RFC3: variants seen among roughly 807,000 people sequenced by gnomAD.
RFC3 encodes the protein A1 38 kDa subunit.
In RFC3, 41 loss-of-function variants were observed where a neutral mutation model predicts 45.1. The observed-to-expected ratio is 0.91, with a 90% confidence interval of 0.71 to 1.18. The LOEUF is 1.18. Among genes scored for constraint, RFC3 ranks in the 50% most tolerant of loss-of-function variants. The pLI is 0.00. For synonymous variants in RFC3, 149 were observed against 144.0 expected (o/e 1.03, Z -0.25); for missense variants, 423 against 428.1 (o/e 0.99, Z 0.10).
At chr13:33,879,266 TACTC>T (rs1183747048) in intron 8 of RFC3, among the ~76,000 whole-genome samples, 1 of 152,218 alleles carries the variant, frequency 6.6e-6, no homozygotes, top group African/African-American at 2.4e-5. Flanking sequence ...TAAATGAAAT[TACTC>T]AGTAATATAA....
chr13:33,831,309 T>C lies in RFC3; in HGVS notation c.764T>C (p.Leu255Pro). 6.2e-7 allele frequency: 1 copy of C among 1,611,282 alleles called. No homozygotes were observed. The highest frequency in any genetic ancestry group is 2.2e-5 in the East Asian group (1 of 44,876). The change falls in exon 7 of 9, where the codon CTG becomes CCG. Residue 255 changes from leucine to proline, a missense_variant. Physicochemically the swap from Leu to Pro is moderately conservative, Grantham distance 98. Coordinates refer to ENST00000380071, the MANE Select transcript of RFC3 (RefSeq NM_002915.4). ...EIPETDWEVY[L>P]RETANAIVSQ... The stretch of plus-strand genomic sequence containing the variant: ...CCTGAGACAGATTGGGAGGTGTATC[T>C]GAGGGAGACTGCAAATGCTATTGTC...
intron 4 of RFC3, among the ~76,000 whole-genome samples, chr13:33,827,189 T>A (rs1368131944): frequency 6.6e-6 from 1 of 152,180 alleles, no homozygotes; most frequent in East Asian, 1.9e-4. Context: ...TTTGGGAGGC[T>A]GAAGCAGGAG....
At chr13:33,974,663 T>C in the RFC3 span, among the ~76,000 whole-genome samples, 3 of 152,324 alleles carry the variant, frequency 2.0e-5, no homozygotes, top group Non-Finnish European at 2.9e-5. Context: ...ACAAATTATT[T>C]GATTTATCAG....
intron 4 of RFC3, among the ~76,000 whole-genome samples, chr13:33,827,183 G>C (rs2082057472): frequency 6.6e-6 from 1 of 152,082 alleles, no homozygotes; most frequent in Non-Finnish European, 1.5e-5. Flanking sequence ...CAGTGCTTTG[G>C]GAGGCTGAAG....
At position 33,848,350 on chromosome 13, in the gene RFC3, C is replaced by G. The variant is rs749033878; in HGVS notation, c.879+13133C>G. 3.3e-5 allele frequency: 5 copies of G among 152,200 alleles called. No individual in the cohort carries two copies. The East Asian group carries it at 5.8e-4, about 18-fold the overall frequency. The allele number at this position is 152,200 out of a possible 1,614,324, so 9.4% of individuals were successfully genotyped here. On this transcript the variant is annotated intron_variant, in intron 8 of 8. Transcript: ENST00000434425. ...TCTGTCTTTTCCATGCTCCTTCCCC[C>G]TTTCTACTTCTGTTCATGAGACAAC...
chr13:33,936,637 T>C (rs1429809823), intron 8 of RFC3, among the ~76,000 whole-genome samples: 4 of 152,016 alleles, frequency 2.6e-5, no homozygotes, highest in Admixed American at 6.6e-5. Context: ...CCCCAAAGAA[T>C]ATAAAAGATT....
At chr13:33,833,396 G>T (rs2082121888) in intron 7 of RFC3, among the ~76,000 whole-genome samples, 1 of 151,820 alleles carries the variant, frequency 6.6e-6, no homozygotes, top group South Asian at 2.1e-4. Flanking sequence ...CATTTATGGA[G>T]ATTAGGTACC....
Position 33,830,778 on chromosome 13 carries a change from G to T in RFC3, c.633G>T (p.Leu211=). Residue 211 remains leucine, a synonymous_variant, in exon 6 of 9, where the codon CTG becomes CTT. Coordinates refer to ENST00000380071, the MANE Select transcript of RFC3 (RefSeq NM_002915.4). ...KKEGLNLPSQ[L]AHRLAEKSCR... Reference sequence around the variant, plus strand: ...AAGGTCTGAATCTTCCTTCACAACTGGCTCATAGACTTGCAGAGAAGTCTT... The same window carrying T: ...AAGGTCTGAATCTTCCTTCACAACTTGCTCATAGACTTGCAGAGAAGTCTT... 2 of 1,613,230 alleles carry T rather than the reference G, an allele frequency of 1.2e-6. No homozygotes were observed. Among genetic ancestry groups the T allele is most frequent in the Non-Finnish European group, 1.7e-6 (2 of 1,179,238 alleles).
intron 8 of RFC3, among the ~76,000 whole-genome samples, chr13:33,870,273 T>A (rs2082399097): frequency 6.6e-6 from 1 of 152,206 alleles, no homozygotes; most frequent in Admixed American, 6.5e-5. Flanking sequence ...GCTTGTTTAT[T>A]CAGAAGAAAT....
intron 8 of RFC3, chr13:33,846,752 G>C (rs1045705334): frequency 1.3e-5 from 2 of 150,334 alleles, no homozygotes; most frequent in Admixed American, 1.3e-4. Context: ...TTTAGCCCAT[G>C]ATGATGGTGC....
intron 8 of RFC3, among the ~76,000 whole-genome samples, chr13:33,882,883 G>T (rs1430104532): frequency 6.6e-6 from 1 of 152,056 alleles, no homozygotes; most frequent in Non-Finnish European, 1.5e-5. Flanking sequence ...ATTTTGATTT[G>T]CTCTTTTCAC....
At chr13:33,923,707 A>G (rs539133407) in intron 8 of RFC3, among the ~76,000 whole-genome samples, 25 of 152,216 alleles carry the variant, frequency 1.6e-4, no homozygotes, top group African/African-American at 6.0e-4. Context: ...AGAGGCCAGG[A>G]ACCAGGGTCT....
intron 8 of RFC3, among the ~76,000 whole-genome samples, chr13:33,901,031 AAGAC>A (rs1156825392): frequency 6.6e-6 from 1 of 151,908 alleles, no homozygotes; most frequent in Non-Finnish European, 1.5e-5. Flanking sequence ...TTTTATCAAA[AAGAC>A]AATAATGGAT....
At chr13:33,867,212 A>T (rs1225338124) in intron 8 of RFC3, among the ~76,000 whole-genome samples, 2 of 152,206 alleles carry the variant, frequency 1.3e-5, no homozygotes. Context: ...CCAATACCCG[A>T]TTTTACAAAA....
At chr13:33,904,812 A>G (rs1160414119) in intron 8 of RFC3, among the ~76,000 whole-genome samples, 1 of 152,086 alleles carries the variant, frequency 6.6e-6, no homozygotes, top group African/African-American at 2.4e-5. Flanking sequence ...TGGAGGTTGC[A>G]CTGAACACAT....
intron 8 of RFC3, among the ~76,000 whole-genome samples, chr13:33,963,579 ATGCC>A (rs2083070397): frequency 6.6e-6 from 1 of 150,570 alleles, no homozygotes; most frequent in Non-Finnish European, 1.5e-5. Flanking sequence ...CCCTACTCAC[ATGCC>A]TGATTACAAA....
intron 1 of RFC3, among the ~76,000 whole-genome samples, chr13:33,818,956 T>C (rs1440656145): frequency 2.1e-5 from 3 of 140,744 alleles, no homozygotes; most frequent in Non-Finnish European, 4.5e-5. Flanking sequence ...AATGGCGCGG[T>C]CTCGGCTCAC....
chr13:33,957,501 A>G (rs1469169575), intron 8 of RFC3, among the ~76,000 whole-genome samples: 1 of 152,174 alleles, frequency 6.6e-6, no homozygotes, highest in African/African-American at 2.4e-5. Flanking sequence ...GTTCCGTACC[A>G]CTTATGACTA....
At chr13:33,923,968 C>T (rs1001520486) in intron 8 of RFC3, among the ~76,000 whole-genome samples, 2 of 152,124 alleles carry the variant, frequency 1.3e-5, no homozygotes, top group African/African-American at 4.8e-5. Flanking sequence ...TTGATGGAAG[C>T]TGATTTCCCA....
Sources: allele counts gnomAD v4.1 joint callset (sites outside exome capture counted in the v4.1 genomes callset), GRCh38; gene constraint gnomAD v4.1.1; transcripts MANE v1.5; gene names NCBI Gene and HGNC (gene_info 2026-07-23, HGNC 2026-07-21).